TAMM41: variants seen among roughly 807,000 people sequenced by gnomAD.
TAMM41 encodes phosphatidate cytidylyltransferase, mitochondrial.
Under a neutral mutation model 44.1 loss-of-function variants are expected in TAMM41, and 36 were observed. The observed-to-expected ratio is 0.82, with a 90% CI of 0.63 to 1.08. The LOEUF (loss-of-function observed/expected upper bound fraction) is 1.08, where lower values mean the gene tolerates loss of function less well. Among genes scored for constraint, TAMM41 ranks in the 50% least tolerant of loss-of-function variants. TAMM41 has a pLI of 0.00. For missense variants in TAMM41, 417 were observed against 404.3 expected (o/e 1.03, Z -0.27); for synonymous variants, 164 against 153.1 (o/e 1.07, Z -0.53).
intron 5 of TAMM41, among the ~76,000 whole-genome samples, chr3:11,815,660 T>C (rs1347403043): frequency 6.6e-6 from 1 of 152,032 alleles, no homozygotes; most frequent in Non-Finnish European, 1.5e-5. Context: ...GGGAAGAGAA[T>C]GTGTGTGCTA....
At chr3:11,731,400 C>T in the TAMM41 span, among the ~76,000 whole-genome samples, 6 of 152,024 alleles carry the variant, frequency 3.9e-5, no homozygotes, top group Admixed American at 6.6e-5. Flanking sequence ...GAGGCTGAGA[C>T]AGGAGGATCA....
the TAMM41 span, among the ~76,000 whole-genome samples, chr3:11,737,528 C>G: frequency 1.3e-5 from 2 of 152,006 alleles, no homozygotes; most frequent in African/African-American, 4.8e-5. Flanking sequence ...CCATGTTGGT[C>G]AGGTTGGTCT....
the TAMM41 span, among the ~76,000 whole-genome samples, chr3:11,725,579 C>T: frequency 6.6e-6 from 1 of 152,116 alleles, no homozygotes; most frequent in Non-Finnish European, 1.5e-5. Context: ...GCTGGGACTA[C>T]AGGCATATAC....
intron 3 of TAMM41, chr3:11,833,244 G>A: frequency 1.6e-5 from 16 of 995,850 alleles, no homozygotes; most frequent in Non-Finnish European, 2.0e-5. Context: ...ACATTAGCAC[G>A]ACTGCCAGGG....
At chr3:11,839,696 A>G (rs557910277) in intron 2 of TAMM41, among the ~76,000 whole-genome samples, 6 of 152,352 alleles carry the variant, frequency 3.9e-5, no homozygotes, top group African/African-American at 1.4e-4. Flanking sequence ...AGCAAGGATG[A>G]TAATAGTCCC....
At chr3:11,723,580 C>CAAAAAAAAAAAAAAAA in the TAMM41 span, among the ~76,000 whole-genome samples, 1 of 97,248 alleles carries the variant, frequency 1.0e-5, no homozygotes, top group Non-Finnish European at 2.2e-5. Flanking sequence ...GACCCTGTCT[C>CAAAAAAAAAAAAAAAA]AAAAAAAAAA....
chr3:11,832,220 C>T (rs978524100), intron 3 of TAMM41, among the ~76,000 whole-genome samples: 33 of 151,024 alleles, frequency 2.2e-4, no homozygotes, highest in Non-Finnish European at 4.3e-4. Flanking sequence ...GTTGGCTCTT[C>T]GTATCTGTGG....
chr3:11,731,949 C>T, the TAMM41 span, among the ~76,000 whole-genome samples: 24,800 of 151,500 alleles, frequency 0.16, 2,462 homozygotes, highest in East Asian at 0.42. Flanking sequence ...TCACTGCAAC[C>T]GCTGCCTCCT....
chr3:11,791,505 A>G (rs1340028536), intron 7 of TAMM41, among the ~76,000 whole-genome samples: 1 of 152,226 alleles, frequency 6.6e-6, no homozygotes, highest in African/African-American at 2.4e-5. Context: ...TTTGTGTTTC[A>G]GGGTGTGGCC....
the TAMM41 span, among the ~76,000 whole-genome samples, chr3:11,753,120 T>C: frequency 6.6e-6 from 1 of 151,946 alleles, no homozygotes; most frequent in Non-Finnish European, 1.5e-5. Context: ...CTGTCTTAGA[T>C]AGGATGCTCA....
In TAMM41 at chr3:11,844,140, A is replaced by T; in HGVS notation, c.207T>A (p.Asn69Lys). ...VAWHSKNLKK[N>K]WSHYSFLKVL... ...CTTTTAGGAAAGAGTAGTGACTCCA[A>T]TTTTTCTTCAGGTTCTTTGAATGCC... Residue 69 changes from asparagine (N) to lysine (K), a missense_variant, in exon 2 of 8, where the codon AAT becomes AAA. Physicochemically the swap from Asn to Lys is moderately conservative, Grantham distance 94 (BLOSUM62 0). Coordinates refer to ENST00000455809, the MANE Select transcript of TAMM41 (RefSeq NM_001284401.2). The T allele has an allele frequency of 6.2e-7, 1 of 1,614,166 alleles. No homozygotes were observed. Among genetic ancestry groups the T allele is most frequent in the Non-Finnish European group, 8.5e-7 (1 of 1,180,012 alleles).
Position 11,797,233 on chromosome 3 carries a change from C to G in TAMM41, c.938-6652G>C, listed in dbSNP as rs536518889. The stretch of plus-strand genomic sequence containing the variant: ...ACAAAGCTGGAGGCCTCATGCTACC[C>G]GACTTCAAACTATAAATACAGGGCT... On this transcript the variant is annotated intron_variant, in intron 7 of 7. Transcript: ENST00000455809. Among the ~76,000 whole-genome samples the G allele has an allele frequency of 2.7e-4, 41 of 152,196 alleles. 1 individual carries two copies. Among genetic ancestry groups the G allele is most frequent in the African/African-American group, 9.6e-4 (40 of 41,542 alleles).
chr3:11,733,004 G>GTTTTT, the TAMM41 span, among the ~76,000 whole-genome samples: 11 of 77,920 alleles, frequency 1.4e-4, no homozygotes, highest in Non-Finnish European at 3.0e-4. Context: ...TTTTTTGTTT[G>GTTTTT]TTTGTTTGTT....
chr3:11,808,703 C>A, intron 6 of TAMM41: 4 of 826,166 alleles, frequency 4.8e-6, no homozygotes, highest in Non-Finnish European at 5.8e-6. Flanking sequence ...AAGTTAGTCT[C>A]TGAAGATAAG....
intron 7 of TAMM41, among the ~76,000 whole-genome samples, chr3:11,793,207 G>A (rs1486751848): frequency 6.6e-6 from 1 of 152,040 alleles, no homozygotes; most frequent in Non-Finnish European, 1.5e-5. Flanking sequence ...AGGAAAATGA[G>A]CAGAAGACTA....
At chr3:11,723,602 CAAAA>C in the TAMM41 span, among the ~76,000 whole-genome samples, 1 of 137,834 alleles carries the variant, frequency 7.3e-6, no homozygotes, top group African/African-American at 2.6e-5. Context: ...AAAACAAAAA[CAAAA>C]AAAAAACTTA....
At chr3:11,799,330 T>C (rs1437723464) in intron 7 of TAMM41, among the ~76,000 whole-genome samples, 1 of 152,226 alleles carries the variant, frequency 6.6e-6, no homozygotes, top group African/African-American at 2.4e-5. Flanking sequence ...ATTATTCCTA[T>C]GAAGTTAAAA....
At chr3:11,807,148 C>A in intron 7 of TAMM41, 1 of 1,235,646 alleles carries the variant, frequency 8.1e-7, no homozygotes. Context: ...AAATGGGGGA[C>A]CCCCTAGAGG....
the TAMM41 span, among the ~76,000 whole-genome samples, chr3:11,754,117 C>T: frequency 6.6e-6 from 1 of 152,150 alleles, no homozygotes; most frequent in African/African-American, 2.4e-5. Flanking sequence ...GTAACCGAGA[C>T]CCCCTGCTCC....
Sources: gnomAD v4.1 joint callset for allele counts (sites outside exome capture counted in the v4.1 genomes callset) on GRCh38, gnomAD v4.1.1 for gene constraint, MANE v1.5 for transcripts, NCBI Gene and HGNC (gene_info 2026-07-23, HGNC 2026-07-21) for gene names.